CBFA2T3: variants seen among roughly 807,000 people sequenced by gnomAD.
CBFA2T3 encodes the protein CBFA2/RUNX1 partner transcriptional co-repressor 3, also known as transcriptional corepressor CBFA2T3.
A neutral mutation model predicts 58.6 loss-of-function variants in CBFA2T3; 31 were observed. The ratio of observed to expected loss-of-function variants is 0.53; its 90% CI spans 0.40 to 0.71. The LOEUF is 0.71. Ranked by LOEUF, CBFA2T3 falls within the 30% of genes least tolerant of loss-of-function variation. CBFA2T3 has a pLI of 0.00. For missense variants in CBFA2T3, 1,076 were observed against 963.1 expected (o/e 1.12, Z -1.55); for synonymous variants, 531 against 421.9 (o/e 1.26, Z -3.17).
chr16:88,907,613 C>A (rs1362489749), intron 1 of CBFA2T3, among the ~76,000 whole-genome samples: 1 of 152,158 alleles, frequency 6.6e-6, no homozygotes, highest in African/African-American at 2.4e-5. Context: ...AGGTGTGGAT[C>A]CAGGTGACCT....
At chr16:88,910,939 G>A (rs2142699214) in intron 1 of CBFA2T3, among the ~76,000 whole-genome samples, 1 of 150,800 alleles carries the variant, frequency 6.6e-6, no homozygotes, top group African/African-American at 2.5e-5. Context: ...GGGGTGGGCA[G>A]AGGCGGCCTG....
chr16:88,904,830 C>T (rs1970241845), intron 1 of CBFA2T3, among the ~76,000 whole-genome samples: 1 of 152,190 alleles, frequency 6.6e-6, no homozygotes, highest in South Asian at 2.1e-4. Flanking sequence ...CTTCCCCTCT[C>T]TGAGCCTCAC....
chr16:88,889,066 C>G (rs976015340), intron 5 of CBFA2T3, among the ~76,000 whole-genome samples: 1 of 151,788 alleles, frequency 6.6e-6, no homozygotes, highest in Non-Finnish European at 1.5e-5. Flanking sequence ...GCAAGGGTGG[C>G]TGAGGCTGGG....
chr16:88,885,181 T>A lies in CBFA2T3; in HGVS notation c.982A>T (p.Ser328Cys). 6.2e-7 allele frequency: 1 copy of A among 1,603,758 alleles called. No homozygotes were observed. Among genetic ancestry groups the A allele is most frequent in the Middle Eastern group, 1.7e-4 (1 of 6,018 alleles). ...PCTLNPAQRY[S>C]PSNGPPQPTP... ...GGCTGCGGTGGCCCGTTGCTGGGGCTGTAGCGCTGGGCAGGGTTCAGGGTG... is the reference window on the plus strand; with the variant it reads ...GGCTGCGGTGGCCCGTTGCTGGGGCAGTAGCGCTGGGCAGGGTTCAGGGTG... Residue 328 changes from serine to cysteine, a missense_variant, in exon 7 of 12, where the codon AGC (serine) becomes TGC (cysteine). By Grantham distance (112) the Ser-to-Cys change is moderately radical. Coordinates refer to ENST00000268679, the MANE Select transcript of CBFA2T3 (RefSeq NM_005187.6). This position sits in a 1 kb window ranked among gnomAD's most constrained non-coding sequence, Gnocchi z 5.3.
intron 1 of CBFA2T3, among the ~76,000 whole-genome samples, chr16:88,931,825 C>T (rs752215458): frequency 5.3e-5 from 8 of 151,962 alleles, no homozygotes; most frequent in Non-Finnish European, 1.0e-4. Flanking sequence ...TCACGGCTCA[C>T]GCTTTATAAA....
At chr16:88,895,645 TC>T (rs971738201) in intron 3 of CBFA2T3, among the ~76,000 whole-genome samples, 1 of 151,480 alleles carries the variant, frequency 6.6e-6, no homozygotes, top group African/African-American at 2.4e-5. Context: ...CACGACTGCC[TC>T]CCCCGGGGCC....
intron 1 of CBFA2T3, among the ~76,000 whole-genome samples, chr16:88,973,839 G>A (rs774566794): frequency 2.0e-5 from 3 of 152,054 alleles, no homozygotes; most frequent in Non-Finnish European, 4.4e-5. Context: ...CTTCCTGCAC[G>A]GATGGTGCCT....
At chr16:88,894,709 G>A (rs923793971) in intron 3 of CBFA2T3, among the ~76,000 whole-genome samples, 6 of 152,192 alleles carry the variant, frequency 3.9e-5, no homozygotes, top group South Asian at 4.1e-4. Context: ...CCCCTCACCC[G>A]TGCTGAGAGT....
At chr16:88,967,977 T>C (rs1450317586) in intron 1 of CBFA2T3, among the ~76,000 whole-genome samples, 2 of 152,246 alleles carry the variant, frequency 1.3e-5, no homozygotes, top group African/African-American at 2.4e-5. Context: ...TTCACACATG[T>C]TCAGTTTATA....
chr16:88,890,958 C>T (rs1383742119), intron 5 of CBFA2T3, among the ~76,000 whole-genome samples: 4 of 152,140 alleles, frequency 2.6e-5, no homozygotes, highest in African/African-American at 4.8e-5. Context: ...AAGCAATCCC[C>T]GTTCCTCAGA....
chr16:88,947,289 C>T (rs1223342696), intron 1 of CBFA2T3, among the ~76,000 whole-genome samples: 2 of 152,192 alleles, frequency 1.3e-5, no homozygotes, highest in Non-Finnish European at 2.9e-5. Flanking sequence ...ATTCAGCAGA[C>T]AAAAATGAGG....
At chr16:88,884,837 G>C (rs1041884306) in intron 7 of CBFA2T3, 52 of 474,318 alleles carry the variant, frequency 1.1e-4, no homozygotes, top group Admixed American at 3.6e-4. Context: ...CCCACCCCGG[G>C]GGGAGAGGTG....
intron 1 of CBFA2T3, among the ~76,000 whole-genome samples, chr16:88,904,530 C>T (rs1216645121): frequency 6.6e-6 from 1 of 152,220 alleles, no homozygotes; most frequent in Admixed American, 6.5e-5. Context: ...CCTTTTAGGC[C>T]TCAAGGTACT....
At position 88,917,905 on chromosome 16, in the gene CBFA2T3, CCT is replaced by C. The variant is rs932015431; in HGVS notation, c.152-16251_152-16250del. On this transcript the variant is annotated intron_variant, in intron 1 of 11. Transcript: ENST00000268679. ...GGACGAGAGTGTGGGGTCACAATCC[CCT>C]CTGTCCCTCCGGGGTGCGTGGAGGG... 5.9e-5 allele frequency among the ~76,000 whole-genome samples: 9 copies of C among 152,052 alleles called. No homozygotes were observed. In the South Asian group the frequency reaches 8.3e-4, roughly 14 times the overall value.
At chr16:88,884,132 A>G (rs1372404691) in intron 7 of CBFA2T3, 1 of 152,244 alleles carries the variant, frequency 6.6e-6, no homozygotes, top group Non-Finnish European at 1.5e-5. Flanking sequence ...TATTAGCAGA[A>G]TCGGGTGGGA....
intron 1 of CBFA2T3, among the ~76,000 whole-genome samples, chr16:88,913,755 C>G (rs1451161898): frequency 6.6e-6 from 1 of 152,176 alleles, no homozygotes; most frequent in Non-Finnish European, 1.5e-5. Context: ...ATGAGAATGA[C>G]AAACGGAATA....
intron 3 of CBFA2T3, 136 bp from the exon 4 acceptor site, chr16:88,892,621 G>A: frequency 1.9e-6 from 2 of 1,047,844 alleles, no homozygotes; most frequent in Non-Finnish European, 2.9e-6. Flanking sequence ...CACAAGGACA[G>A]TAGCGCTGAG....
intron 1 of CBFA2T3, among the ~76,000 whole-genome samples, chr16:88,926,062 A>T (rs2142751436): frequency 6.6e-6 from 1 of 152,294 alleles, no homozygotes; most frequent in East Asian, 1.9e-4. Flanking sequence ...TGAATTGTGC[A>T]GGGAGCACTT....
chr16:88,971,331 G>T (rs961799751), intron 1 of CBFA2T3, among the ~76,000 whole-genome samples: 1 of 152,156 alleles, frequency 6.6e-6, no homozygotes, highest in African/African-American at 2.4e-5. Flanking sequence ...ACTGGTCTCG[G>T]AATCCTGGCC....
Sources: gnomAD v4.1 joint callset for allele counts (sites outside exome capture counted in the v4.1 genomes callset) on GRCh38, gnomAD v4.1.1 for gene constraint, Gnocchi (gnomAD v3.1) non-coding constraint, MANE v1.5 for transcripts, NCBI Gene and HGNC (gene_info 2026-07-23, HGNC 2026-07-21) for gene names.